MEGF11: variants seen among roughly 807,000 people sequenced by gnomAD.
MEGF11 encodes multiple epidermal growth factor-like domains protein 11.
MEGF11 carries 126 observed loss-of-function variants against 146.6 expected under a neutral mutation model. The observed-to-expected ratio is 0.86, with a 90% CI of 0.74 to 1.00. The LOEUF (loss-of-function observed/expected upper bound fraction) is 1.00. Ranked by LOEUF, MEGF11 falls within the 50% of genes least tolerant of loss-of-function variation. The pLI is 0.00. For synonymous variants in MEGF11, 532 were observed against 583.4 expected (o/e 0.91, Z 1.27); for missense variants, 1,509 against 1,521.2 (o/e 0.99, Z 0.13).
At chr15:66,068,415 T>C (rs1383240688) in intron 5 of MEGF11, among the ~76,000 whole-genome samples, 2 of 152,196 alleles carry the variant, frequency 1.3e-5, no homozygotes, top group African/African-American at 2.4e-5. Context: ...ATCGTGCTCT[T>C]TCTCCACAAC....
At chr15:65,977,836 G>C (rs1334455961) in intron 7 of MEGF11, among the ~76,000 whole-genome samples, 3 of 152,078 alleles carry the variant, frequency 2.0e-5, no homozygotes, top group South Asian at 2.1e-4. Context: ...AACTCCTAAG[G>C]GTGGGGGATG....
intron 24 of MEGF11, 39 bp from the exon 25 acceptor site, chr15:65,898,973 A>AC: frequency 1.7e-5 from 27 of 1,603,426 alleles, no homozygotes; most frequent in Non-Finnish European, 2.2e-5. Flanking sequence ...AAGCAAGAAT[A>AC]CAAGTCTTCA....
At chr15:66,027,777 C>T (rs1303121518) in intron 5 of MEGF11, among the ~76,000 whole-genome samples, 1 of 152,196 alleles carries the variant, frequency 6.6e-6, no homozygotes, top group East Asian at 1.9e-4. Flanking sequence ...ATGCCCTCCT[C>T]TCCTGTTGGC....
chr15:66,060,755 C>A (rs1156829017), intron 5 of MEGF11, among the ~76,000 whole-genome samples: 2 of 152,228 alleles, frequency 1.3e-5, no homozygotes, highest in Non-Finnish European at 2.9e-5. Flanking sequence ...CTCGCAGCAC[C>A]TACAGCACTA....
chr15:66,196,629 G>A (rs1019193694), intron 1 of MEGF11, among the ~76,000 whole-genome samples: 4 of 152,200 alleles, frequency 2.6e-5, no homozygotes, highest in African/African-American at 7.2e-5. Flanking sequence ...GGTTTAGAGT[G>A]GGAAGAACGG....
chr15:66,080,728 T>C (rs556782754), intron 5 of MEGF11, among the ~76,000 whole-genome samples: 5 of 152,358 alleles, frequency 3.3e-5, no homozygotes, highest in African/African-American at 1.2e-4. Context: ...CAGCTCCTCT[T>C]ACTCATAAAC....
chr15:66,021,979 C>T (rs1427555491), intron 5 of MEGF11, among the ~76,000 whole-genome samples: 1 of 152,164 alleles, frequency 6.6e-6, no homozygotes. Flanking sequence ...CAGGGAGGAA[C>T]AAGCCATGTG....
intron 1 of MEGF11, among the ~76,000 whole-genome samples, chr15:66,175,323 C>T (rs185855564): frequency 2.0e-5 from 3 of 152,046 alleles, no homozygotes; most frequent in East Asian, 3.9e-4. Context: ...AAAAACAACC[C>T]GAAAATGCGT....
intron 13 of MEGF11, 36 bp downstream of exon 13, chr15:65,928,389 C>A: frequency 1.4e-6 from 2 of 1,423,148 alleles, no homozygotes; most frequent in Non-Finnish European, 1.9e-6. Flanking sequence ...CCCAGTTTCA[C>A]AGTACCTGGG....
rs369413625 is a variant in MEGF11 at position 65,898,092 on chromosome 15, G to A, written c.3265C>T (p.Pro1089Ser). 13 of 1,612,646 alleles carry A rather than the reference G, an allele frequency of 8.1e-6. No homozygotes were observed. The highest frequency in any genetic ancestry group is 1.7e-5 in the Admixed American group (1 of 59,776). Residue 1089 changes from proline (P) to serine (S), a missense_variant and splice_region_variant, in exon 26 of 26, where the codon CCC becomes TCC. By Grantham distance (74) the Pro-to-Ser change is moderately conservative (BLOSUM62 -1). Coordinates refer to ENST00000395614, the MANE Select transcript of MEGF11 (RefSeq NM_001385028.1). ...TSNKNIYEVEPTVSVVQEGCG... is the reference protein window; with the variant it reads ...TSNKNIYEVESTVSVVQEGCG... ...CCTTCTTGGACCACACTGACTGTGG[G>A]CTCTAAGAAATATAGTGAAAAATGA...
intron 1 of MEGF11, among the ~76,000 whole-genome samples, chr15:66,168,626 A>T (rs1055406182): frequency 1.6e-4 from 24 of 152,242 alleles, no homozygotes; most frequent in Admixed American, 2.6e-4. Flanking sequence ...TATAGGCCAC[A>T]TGTTGAAGGA....
intron 1 of MEGF11, among the ~76,000 whole-genome samples, chr15:66,165,090 G>A (rs1483388828): frequency 3.3e-5 from 5 of 152,182 alleles, no homozygotes; most frequent in South Asian, 2.1e-4. Context: ...CTCACAGCAC[G>A]TTAGAAACAG....
chr15:66,250,122 C>A (rs1299854522), intron 1 of MEGF11, among the ~76,000 whole-genome samples: 3 of 152,186 alleles, frequency 2.0e-5, no homozygotes, highest in Non-Finnish European at 4.4e-5. Flanking sequence ...GGATACCTAG[C>A]AAGATCATAG....
At chr15:66,237,143 A>G (rs1372397526) in intron 1 of MEGF11, among the ~76,000 whole-genome samples, 1 of 152,174 alleles carries the variant, frequency 6.6e-6, no homozygotes, top group Non-Finnish European at 1.5e-5. Flanking sequence ...TCCAGGGACC[A>G]CGTTATCTTC....
At chr15:66,034,299 T>G (rs529301548) in intron 5 of MEGF11, among the ~76,000 whole-genome samples, 1 of 152,272 alleles carries the variant, frequency 6.6e-6, no homozygotes, top group African/African-American at 2.4e-5. Flanking sequence ...GACTTCTGAG[T>G]TGGTGTTGGA....
rs553499530 is a variant in MEGF11 at position 66,194,091 on chromosome 15, G to C, written c.-9+59514C>G. Among the ~76,000 whole-genome samples the C allele has an allele frequency of 1.4e-4, 22 of 152,228 alleles. No homozygotes were observed. In the South Asian group the frequency reaches 4.6e-3, roughly 32 times the overall value. On this transcript the variant is annotated intron_variant, in intron 1 of 25. Coordinates refer to ENST00000395614, the MANE Select transcript of MEGF11 (RefSeq NM_001385028.1). ...TACAATTCGCAATTGCAAAAATATG[G>C]AACCAGCTCAAATGCCCATCAATCA...
intron 1 of MEGF11, among the ~76,000 whole-genome samples, chr15:66,151,282 G>A (rs867317364): frequency 1.3e-5 from 2 of 152,128 alleles, no homozygotes; most frequent in Middle Eastern, 3.2e-3. Flanking sequence ...GCAAAGAGAG[G>A]ACCAACACAA....
At chr15:65,977,895 A>G (rs2081505447) in intron 7 of MEGF11, among the ~76,000 whole-genome samples, 1 of 152,164 alleles carries the variant, frequency 6.6e-6, no homozygotes, top group African/African-American at 2.4e-5. Flanking sequence ...CACTCACATG[A>G]AACTACTCAG....
rs980968742 is a variant in MEGF11 at position 65,922,600 on chromosome 15, C to G, written c.1823-128G>C. 2.2e-6 allele frequency: 3 copies of G among 1,372,934 alleles called. No individual in the cohort carries two copies. The Admixed American group carries it at 8.4e-5, about 39-fold the overall frequency. 85.0% of individuals were successfully genotyped at this position (1,372,934 alleles called of 1,614,324 possible). ...CCTTCCCTCATCTTGGAGGGCGCAT[C>G]CCTTTCTGCAGAGAAGAGCTGTGGT... On this transcript the variant is annotated intron_variant, in intron 14 of 25. Transcript: ENST00000395614.
Sources: allele counts gnomAD v4.1 joint callset (sites outside exome capture counted in the v4.1 genomes callset), GRCh38; gene constraint gnomAD v4.1.1; transcripts MANE v1.5; gene names NCBI Gene and HGNC (gene_info 2026-07-23, HGNC 2026-07-21).